The following POC5 variants were observed in gnomAD, a reference collection of about 807,000 sequenced individuals.
POC5 encodes the protein centrosomal protein POC5.
A neutral mutation model predicts 62.9 loss-of-function variants in POC5; 48 were observed. The observed-to-expected ratio is 0.76, with a 90% CI of 0.61 to 0.97. POC5 has a LOEUF of 0.97. POC5 is among the 50% of genes least tolerant of loss of function. The pLI, the probability that POC5 is intolerant of heterozygous loss-of-function variation, is 0.00. For synonymous variants in POC5, 236 were observed against 228.2 expected, an observed-to-expected ratio of 1.03 and a Z score of -0.31; for missense variants, 696 against 679.5, an observed-to-expected ratio of 1.02 and a Z score of -0.27.
chr5:75,704,131 G>A (rs1203749587), intron 4 of POC5, among the ~76,000 whole-genome samples: 1 of 149,748 alleles, frequency 6.7e-6, no homozygotes, highest in African/African-American at 2.5e-5. Flanking sequence ...TCTAGCCTGG[G>A]TGATAGAGCG....
Position 75,689,036 on chromosome 5 carries a change from T to C in POC5, c.1105A>G (p.Ile369Val), listed in dbSNP as rs542963301. 12 of 1,580,220 alleles carry C rather than the reference T, an allele frequency of 7.6e-6. No homozygotes were observed. In the South Asian group the frequency reaches 9.7e-5, roughly 13 times the overall value. ...VCALNLEAMT[I>V]FQNRNDAGID... ...CCTGCATCATTTCTGTTTTGAAATA[T>C]AGTCATGGCTTCAAGATTTAATGCA... The change falls in exon 9 of 12, where the codon ATA becomes GTA. Residue 369 changes from isoleucine (I) to valine (V), a missense_variant. Physicochemically the swap from Ile to Val is conservative, Grantham distance 29. Coordinates refer to ENST00000428202, the MANE Select transcript of POC5 (RefSeq NM_001099271.2).
rs139366710 is a variant in POC5 at position 75,707,964 on chromosome 5, CCA to C, written c.85-91_85-90del. The C allele has an allele frequency of 1.2e-3, 1,386 of 1,197,702 alleles. 13 individuals carry two copies. In the East Asian group the frequency reaches 0.023, roughly 20 times the overall value. 74.2% of individuals were successfully genotyped at this position (1,197,702 alleles called of 1,614,324 possible). A position where few individuals can be genotyped will look rare whatever the true frequency, so the allele number is the denominator to read the frequency against. On this transcript the variant is annotated intron_variant, in intron 2 of 11. Transcript: ENST00000428202. ...AATTTGTTTTAAAGAAATTTAATTA[CCA>C]TAATAGAGTCCCATGCTTATTATAT... is the stretch of plus-strand genomic sequence containing the variant.
rs762211178 is a variant in POC5, at chr5:75,705,753, T to C, written c.258A>G (p.Glu86=). Residue 86 remains glutamate (E), a synonymous_variant, in exon 4 of 12, where the codon GAA becomes GAG. Coordinates refer to ENST00000428202, the MANE Select transcript of POC5 (RefSeq NM_001099271.2). ...TATGGAAATCACATCCTTTTCCAAC[T>C]TCTATTGCAGTTTCTCTTACTTCAG... ...NNSEVRETAI[E]VGKGCDFHIS... The C allele has an allele frequency of 7.7e-6, 12 of 1,556,088 alleles. No homozygotes were observed. The highest frequency in any genetic ancestry group is 9.6e-6 in the Non-Finnish European group (11 of 1,150,814).
intron 9 of POC5, 64 bp from the exon 10 acceptor site, chr5:75,685,548 C>A (rs1776070516): frequency 4.0e-6 from 6 of 1,494,538 alleles, no homozygotes; most frequent in East Asian, 2.3e-5. Flanking sequence ...ATCTTCCAAA[C>A]AATGAAAACA....
intron 4 of POC5, chr5:75,705,417 G>A (rs1302624196): frequency 1.9e-5 from 4 of 209,950 alleles, no homozygotes; most frequent in Non-Finnish European, 2.8e-5. Flanking sequence ...AACTTGAATT[G>A]GCCAAACTAT....
chr5:75,703,729 C>T, intron 4 of POC5, among the ~76,000 whole-genome samples: 1 of 152,128 alleles, frequency 6.6e-6, no homozygotes. Context: ...CACTGTTAGG[C>T]TTCAATGTAG....
chr5:75,686,060 ATAAAT>A (rs1262002722), intron 9 of POC5, among the ~76,000 whole-genome samples: 1 of 152,230 alleles, frequency 6.6e-6, no homozygotes, highest in Non-Finnish European at 1.5e-5. Context: ...GTTCTTGCAG[ATAAAT>A]TATATAAATC....
intron 10 of POC5, among the ~76,000 whole-genome samples, chr5:75,683,945 C>T (rs1017761666): frequency 1.3e-5 from 2 of 152,314 alleles, no homozygotes; most frequent in African/African-American, 4.8e-5. Flanking sequence ...CTCAAGCAAA[C>T]CTTTCACCTC....
chr5:75,677,548 T>C (rs534522377), intron 11 of POC5: 1 of 305,980 alleles, frequency 3.3e-6, no homozygotes, highest in Non-Finnish European at 5.9e-6. Context: ...GAAGAAACGA[T>C]GTTTCTGAAA....
chr5:75,690,542 A>T lies in POC5; in HGVS notation c.816T>A (p.Ala272=), dbSNP rs1256913646. The T allele has an allele frequency of 1.9e-6, 3 of 1,585,410 alleles. No individual in the cohort carries two copies. Among genetic ancestry groups the T allele is most frequent in the Non-Finnish European group, 2.6e-6 (3 of 1,164,960 alleles). Residue 272 remains alanine (A), a synonymous_variant, in exon 8 of 12, where the codon GCT becomes GCA. Transcript: ENST00000428202. ...GTAAAGTTCTCTGGTAGTACTGGTC[A>T]GCTAGTTTACCTTCATAAACCTAAA... is the stretch of plus-strand genomic sequence containing the variant. The part of the protein sequence containing the change: ...ARQDVYEGKL[A]DQYYQRTLLK...
intron 10 of POC5, among the ~76,000 whole-genome samples, chr5:75,681,910 T>A (rs1043338331): frequency 1.3e-5 from 2 of 152,230 alleles, no homozygotes; most frequent in Non-Finnish European, 2.9e-5. Flanking sequence ...ACTGGATTTA[T>A]TCCTACTTTT....
intron 1 of POC5, among the ~76,000 whole-genome samples, chr5:75,713,288 GAACA>G (rs1777425016): frequency 6.6e-6 from 1 of 152,180 alleles, no homozygotes; most frequent in African/African-American, 2.4e-5. Flanking sequence ...AACCAAGAGA[GAACA>G]AACAATTTGT....
At chr5:75,678,604 A>G (rs1341947432) in intron 10 of POC5, among the ~76,000 whole-genome samples, 2 of 111,244 alleles carry the variant, frequency 1.8e-5, no homozygotes, top group African/African-American at 5.8e-5. Context: ...CATTTTATTA[A>G]TATACTTTTT....
chr5:75,698,980 A>C (rs973480347), intron 5 of POC5, among the ~76,000 whole-genome samples: 25 of 152,070 alleles, frequency 1.6e-4, no homozygotes, highest in Admixed American at 5.9e-4. Flanking sequence ...GAAATGGATA[A>C]ATTCCTCGAC....
Position 75,677,927 on chromosome 5 carries a change from A to C in POC5, c.1431T>G (p.Ser477=). The C allele has an allele frequency of 1.9e-6, 3 of 1,603,290 alleles. No individual in the cohort carries two copies. The South Asian group carries it at 3.4e-5, about 18-fold the overall frequency. ...EEMYVPRVVT[S]AQQKAGRTIT... is the part of the protein sequence containing the mutation. Reference sequence around the variant, plus strand: ...TAGTTCTTCCTGCTTTCTGTTGTGCAGAGGTTACAACTCTTGGCACATACT... The same window carrying C: ...TAGTTCTTCCTGCTTTCTGTTGTGCCGAGGTTACAACTCTTGGCACATACT... Residue 477 remains serine, a synonymous_variant, in exon 11 of 12, where the codon TCT becomes TCG. Coordinates refer to ENST00000428202, the MANE Select transcript of POC5 (RefSeq NM_001099271.2).
At position 75,688,311 on chromosome 5, in the gene POC5, A is replaced by C. The variant is rs896988164; in HGVS notation, c.1129+701T>G. 1.8e-4 allele frequency among the ~76,000 whole-genome samples: 27 copies of C among 152,160 alleles called. 1 individual carries two copies. The highest frequency in any genetic ancestry group is 1.8e-3 in the Admixed American group (27 of 15,272). On this transcript the variant is annotated intron_variant, in intron 9 of 11. Coordinates refer to ENST00000428202, the MANE Select transcript of POC5 (RefSeq NM_001099271.2). Reference sequence around the variant, plus strand: ...TCAGATATGTTTTACTGCATCCCACAAGAAGCCCCTAGGAAGCAGGTAAGG... The same window carrying C: ...TCAGATATGTTTTACTGCATCCCACCAGAAGCCCCTAGGAAGCAGGTAAGG...
At position 75,674,193 on chromosome 5, in the gene POC5, T is replaced by C. The variant is rs1376433930; in HGVS notation, c.*242A>G. On this transcript the variant is annotated 3_prime_UTR_variant, in exon 12 of 12. Transcript: ENST00000428202. ...GGCTAAACATATTAAAGAAATAAAG[T>C]CCAGTTTCTTTTTTAATTTAAAAAA... is the stretch of plus-strand genomic sequence containing the variant. 1 of 294,360 alleles carries C rather than the reference T, an allele frequency of 3.4e-6. No homozygotes were observed. The highest frequency in any genetic ancestry group is 6.2e-6 in the Non-Finnish European group (1 of 160,660). The allele number at this position is 294,360 out of a possible 1,614,324, so 18.2% of individuals were successfully genotyped here.
chr5:75,689,833 T>C (rs1233396181), intron 8 of POC5, among the ~76,000 whole-genome samples: 3 of 152,200 alleles, frequency 2.0e-5, no homozygotes, highest in Non-Finnish European at 4.4e-5. Context: ...TGTTTTCCCA[T>C]GAAAACAATG....
In POC5 at chr5:75,712,440, C is replaced by CAG. The variant is rs1777388431; in HGVS notation, c.84+412_84+413dup. ...CAGATTGTACTGAATGTTGTGACAA[C>CAG]AGAGACCAAACCTCAGCAAGTAGAA... On this transcript the variant is annotated intron_variant, in intron 2 of 11. Coordinates refer to ENST00000428202, the MANE Select transcript of POC5 (RefSeq NM_001099271.2). 32 of 1,611,952 alleles carry CAG rather than the reference C, an allele frequency of 2.0e-5. No individual in the cohort carries two copies. The East Asian group carries it at 7.1e-4, about 36-fold the overall frequency.
Sources: allele counts gnomAD v4.1 joint callset (sites outside exome capture counted in the v4.1 genomes callset), GRCh38; gene constraint gnomAD v4.1.1; transcripts MANE v1.5; gene names NCBI Gene and HGNC (gene_info 2026-07-23, HGNC 2026-07-21).